MAP7D1: variants seen among roughly 807,000 people sequenced by gnomAD.
MAP7D1 encodes MAP7 domain containing 1, also known as MAP7 domain-containing protein 1.
A neutral mutation model predicts 97.5 loss-of-function variants in MAP7D1; 30 were observed. The observed-to-expected ratio is 0.31, with a 90% CI of 0.23 to 0.42. The LOEUF is 0.42. Among genes scored for constraint, MAP7D1 ranks in the 10% least tolerant of loss-of-function variants. The pLI, the probability that MAP7D1 is intolerant of heterozygous loss-of-function variation, is 1.00. For missense variants in MAP7D1, 1,184 were observed against 1,179.5 expected (o/e 1.00, Z -0.06); for synonymous variants, 536 against 477.1 (o/e 1.12, Z -1.61).
chr1:36,179,153 G>A, intron 12 of MAP7D1, 109 bp from the exon 13 acceptor site: 3 of 1,493,940 alleles, frequency 2.0e-6, no homozygotes, highest in Non-Finnish European at 2.8e-6. Context: ...TCCTGGAGAG[G>A]GCTGCTATGA....
rs762430871 is a variant in MAP7D1 at position 36,176,506 on chromosome 1, TGAGCGCGGG to T, written c.1165_1173del (p.Gly389_Arg391del). ...GCGTGCACCGCTGCGCCCCCGCCGG[TGAGCGCGGG>T]GAGCGCCGCAAGCCCAACGCCGGGG... is the stretch of plus-strand genomic sequence containing the variant. On this transcript the variant is annotated inframe_deletion, in exon 7 of 17. Coordinates refer to ENST00000474796, the MANE Select transcript of MAP7D1 (RefSeq NM_001388490.1). This position sits in a 1 kb window ranked among gnomAD's most constrained non-coding sequence, Gnocchi z 6.1. 3.2e-5 allele frequency: 44 copies of T among 1,378,070 alleles called. No homozygotes were observed. Among genetic ancestry groups the T allele is most frequent in the African/African-American group, 3.1e-5 (2 of 64,078 alleles). 85.4% of individuals were successfully genotyped at this position (1,378,070 alleles called of 1,614,324 possible).
intron 1 of MAP7D1, among the ~76,000 whole-genome samples, chr1:36,168,388 T>C (rs1317176349): frequency 6.6e-6 from 1 of 151,926 alleles, no homozygotes; most frequent in African/African-American, 2.4e-5. Context: ...GCCACACTTG[T>C]ATAATGGGGA....
At chr1:36,173,278 T>A in intron 4 of MAP7D1, 86 bp from the exon 5 acceptor site, 1 of 951,336 alleles carries the variant, frequency 1.1e-6, no homozygotes, top group Non-Finnish European at 1.6e-6. Flanking sequence ...GGGGGAGGCA[T>A]TGTCACAGGA....
intron 1 of MAP7D1, among the ~76,000 whole-genome samples, chr1:36,169,753 C>T (rs1644517443): frequency 1.3e-5 from 2 of 152,110 alleles, no homozygotes; most frequent in South Asian, 2.1e-4. Flanking sequence ...ACAGGGAGTG[C>T]TGTTTGCTGG....
Position 36,176,273 on chromosome 1 carries a change from G to A in MAP7D1, c.925G>A (p.Ala309Thr). 1.2e-6 allele frequency: 2 copies of A among 1,604,706 alleles called. No individual in the cohort carries two copies. The highest frequency in any genetic ancestry group is 1.7e-6 in the Non-Finnish European group (2 of 1,177,512). Residue 309 changes from alanine (A) to threonine (T), a missense_variant, in exon 7 of 17, where the codon GCT becomes ACT. By Grantham distance (58) the Ala-to-Thr change is moderately conservative. Coordinates refer to ENST00000474796, the MANE Select transcript of MAP7D1 (RefSeq NM_001388490.1). The surrounding 1 kb of genome is among the most constrained non-coding windows in gnomAD (Gnocchi z 6.1). ...GATGACGCCCACTCTCTCCTTCCTT[G>A]CTCGGAGTCGCAGCGCGGTCACACT... Reference protein sequence around the residue: ...RLMTPTLSFLARSRSAVTLPR... With the variant: ...RLMTPTLSFLTRSRSAVTLPR...
At position 36,171,289 on chromosome 1, in the gene MAP7D1, C is replaced by A; in HGVS notation, c.365C>A (p.Ala122Asp). 6.4e-7 allele frequency: 1 copy of A among 1,570,584 alleles called. No homozygotes were observed. Among genetic ancestry groups the A allele is most frequent in the Non-Finnish European group, 8.6e-7 (1 of 1,157,724 alleles). The change falls in exon 2 of 17, where the codon GCC (alanine) becomes GAC (aspartate). Residue 122 changes from alanine (A) to aspartate (D), a missense_variant. Physicochemically the swap from Ala to Asp is moderately radical, Grantham distance 126 (BLOSUM62 -2). Transcript: ENST00000474796. ...CAGCCATCTCCAACAGCAGTGCCAG[C>A]CTCCGACAGCCCTCCCACCAAGCAA... ...SSQPSPTAVP[A>D]SDSPPTKQEV...
At chr1:36,166,389 C>CTTT (rs536815195) in intron 1 of MAP7D1, among the ~76,000 whole-genome samples, 7 of 132,264 alleles carry the variant, frequency 5.3e-5, no homozygotes, top group African/African-American at 8.5e-5. Flanking sequence ...GTGATCTGAC[C>CTTT]TTTTTTTTTT....
chr1:36,174,915 G>C lies in MAP7D1; in HGVS notation c.757G>C (p.Val253Leu). 1 of 1,613,036 alleles carries C rather than the reference G, an allele frequency of 6.2e-7. No individual in the cohort carries two copies. Residue 253 changes from valine (V) to leucine (L), a missense_variant, in exon 6 of 17, where the codon GTG becomes CTG. Val to Leu is a conservative substitution (Grantham distance 32). Coordinates refer to ENST00000474796, the MANE Select transcript of MAP7D1 (RefSeq NM_001388490.1). Reference sequence around the variant, plus strand: ...CCCTCCAGGTGGGAGCAGGTGCTCCGTGTCGGCAGTTAACCTGCCCAAACA... The same window carrying C: ...CCCTCCAGGTGGGAGCAGGTGCTCCCTGTCGGCAGTTAACCTGCCCAAACA... ...GHKTSGSRCS[V>L]SAVNLPKHVD...
chr1:36,160,540 T>G (rs1400015635), intron 1 of MAP7D1, among the ~76,000 whole-genome samples: 1 of 152,200 alleles, frequency 6.6e-6, no homozygotes, highest in Admixed American at 6.5e-5. Flanking sequence ...GTCTCATGAG[T>G]AGGGACTAGC....
At position 36,156,426 on chromosome 1, in the gene MAP7D1, C is replaced by T. The variant is rs1166797388; in HGVS notation, c.9C>T (p.Ser3=). 2.0e-6 allele frequency: 3 copies of T among 1,478,684 alleles called. No individual in the cohort carries two copies. Among genetic ancestry groups the T allele is most frequent in the Non-Finnish European group, 2.7e-6 (3 of 1,122,832 alleles). 91.6% of individuals were successfully genotyped at this position (1,478,684 alleles called of 1,614,324 possible). A position where few individuals can be genotyped will look rare whatever the true frequency, so the allele number is the denominator to read the frequency against. ...CCAGTGACGCCGCAGCCATGGAGAG[C>T]GGCCCGCGTGCGGAGCTGGGGGCGG... ME[S]GPRAELGAGA... Residue 3 remains serine, a synonymous_variant, in exon 1 of 17, where the codon AGC becomes AGT. Coordinates refer to ENST00000474796, the MANE Select transcript of MAP7D1 (RefSeq NM_001388490.1).
intron 1 of MAP7D1, among the ~76,000 whole-genome samples, chr1:36,166,632 G>T (rs1282787026): frequency 1.3e-5 from 2 of 151,806 alleles, no homozygotes; most frequent in Non-Finnish European, 2.9e-5. Flanking sequence ...CTCGTGATCT[G>T]CCTGCCTTGG....
At chr1:36,177,136 G>T (rs771509160) in intron 8 of MAP7D1, among the ~76,000 whole-genome samples, 7 of 152,070 alleles carry the variant, frequency 4.6e-5, no homozygotes, top group Non-Finnish European at 1.0e-4. Flanking sequence ...TTTTGGTAGA[G>T]TGGGGGTTTC....
At chr1:36,179,235 C>A (rs1417681939) in intron 12 of MAP7D1, 27 bp from the exon 13 acceptor site, 1 of 1,612,638 alleles carries the variant, frequency 6.2e-7, no homozygotes, top group South Asian at 1.1e-5. Flanking sequence ...GGGGCTCGAG[C>A]CTAACTGATC....
In MAP7D1 at chr1:36,180,385, G is replaced by T. The variant is rs967523293; in HGVS notation, c.*127G>T. On this transcript the variant is annotated 3_prime_UTR_variant, in exon 17 of 17. Coordinates refer to ENST00000474796, the MANE Select transcript of MAP7D1 (RefSeq NM_001388490.1). ...GGGCCCCTGGGGGTGGGTCCTCTCT[G>T]TTGTTTTTAATCTGCACCTTATAGA... 2 of 1,346,396 alleles carry T rather than the reference G, an allele frequency of 1.5e-6. No individual in the cohort carries two copies. Among genetic ancestry groups the T allele is most frequent in the Non-Finnish European group, 2.1e-6 (2 of 939,472 alleles). The allele number at this position is 1,346,396 out of a possible 1,614,324, so 83.4% of individuals were successfully genotyped here. A position where few individuals can be genotyped will look rare whatever the true frequency, so the allele number is the denominator to read the frequency against.
At position 36,159,214 on chromosome 1, in the gene MAP7D1, C is replaced by T. The variant is rs557207838; in HGVS notation, c.46+2751C>T. On this transcript the variant is annotated intron_variant, in intron 1 of 16. Transcript: ENST00000474796. The surrounding 1 kb of genome is among the most constrained non-coding windows in gnomAD (Gnocchi z 5.4). ...CTGGGATTACAGGCGCCTGCCACCG[C>T]GCCCGGCTAATTTTTGTATTTTTAG... Among the ~76,000 whole-genome samples the T allele has an allele frequency of 2.0e-4, 31 of 152,182 alleles. No homozygotes were observed. The highest frequency in any genetic ancestry group is 3.4e-4 in the Non-Finnish European group (23 of 68,004).
chr1:36,170,993 A>T lies in MAP7D1; in HGVS notation c.69A>T (p.Pro23=). ...CAGCTGTGGTCGCCAGGACCCCCCC[A>T]GAGCCAAGACCTTCTCCAGAAGGTG... The part of the protein sequence containing the change: ...APPAVVARTP[P]EPRPSPEGDP... The change falls in exon 2 of 17, where the codon CCA becomes CCT. Residue 23 remains proline (P), a synonymous_variant. Transcript: ENST00000474796. 8.1e-7 allele frequency: 1 copy of T among 1,238,768 alleles called. No homozygotes were observed. Among genetic ancestry groups the T allele is most frequent in the Non-Finnish European group, 1.1e-6 (1 of 897,442 alleles). 76.7% of individuals were successfully genotyped at this position (1,238,768 alleles called of 1,614,324 possible). A position where few individuals can be genotyped will look rare whatever the true frequency, so the allele number is the denominator to read the frequency against.
chr1:36,172,374 G>A, intron 3 of MAP7D1, 90 bp from the exon 4 acceptor site: 1 of 1,302,786 alleles, frequency 7.7e-7, no homozygotes, highest in Non-Finnish European at 1.0e-6. Context: ...CAGGGCATGG[G>A]TAGCAGGGCT....
chr1:36,167,678 C>G (rs1644489866), intron 1 of MAP7D1, among the ~76,000 whole-genome samples: 6 of 152,222 alleles, frequency 3.9e-5, no homozygotes, highest in Admixed American at 3.9e-4. Context: ...GGTCCTCAGT[C>G]AGGCCTGTCA....
At chr1:36,161,751 T>G (rs1301686039) in intron 1 of MAP7D1, among the ~76,000 whole-genome samples, 1 of 152,134 alleles carries the variant, frequency 6.6e-6, no homozygotes, top group Non-Finnish European at 1.5e-5. Flanking sequence ...TGTGTGTCTC[T>G]GAGGCTTTGT....
Sources: gnomAD v4.1 joint callset for allele counts (sites outside exome capture counted in the v4.1 genomes callset) on GRCh38, gnomAD v4.1.1 for gene constraint, Gnocchi (gnomAD v3.1) non-coding constraint, MANE v1.5 for transcripts, NCBI Gene and HGNC (gene_info 2026-07-23, HGNC 2026-07-21) for gene names.